Variants in TPTE2 observed in about 807,000 individuals in gnomAD.
TPTE2 encodes the protein phosphatidylinositol 3,4,5-trisphosphate 3-phosphatase TPTE2.
In TPTE2, 53 loss-of-function variants were observed where a neutral mutation model predicts 78.6. The observed-to-expected ratio is 0.67, with a 90% confidence interval of 0.54 to 0.85. The LOEUF (loss-of-function observed/expected upper bound fraction) is 0.85. Among genes scored for constraint, TPTE2 ranks in the 40% least tolerant of loss-of-function variants. TPTE2 has a pLI of 0.00. For synonymous variants in TPTE2, 175 were observed against 206.2 expected (o/e 0.85, Z 1.30); for missense variants, 461 against 623.0 (o/e 0.74, Z 2.77).
At chr13:19,550,387 C>A in the TPTE2 span, among the ~76,000 whole-genome samples, 1 of 152,204 alleles carries the variant, frequency 6.6e-6, no homozygotes, top group Non-Finnish European at 1.5e-5. Context: ...GCTTTCCTAG[C>A]ACCCTGTTTG....
Position 19,430,461 on chromosome 13 carries a change from C to G in TPTE2, c.1302+7G>C, listed in dbSNP as rs9508013. The G allele has an allele frequency of 6.9e-6, 11 of 1,605,228 alleles. No homozygotes were observed. The Admixed American group carries it at 1.2e-4, about 18-fold the overall frequency. On this transcript the variant is annotated splice_region_variant and intron_variant, in intron 17 of 19. Transcript: ENST00000400230. Reference sequence around the variant, plus strand: ...CAGATTTTTTCAATTCACATGTTTTCTCTTACCGAACAATTTCCTAATGAA... The same window carrying G: ...CAGATTTTTTCAATTCACATGTTTTGTCTTACCGAACAATTTCCTAATGAA...
At chr13:19,551,656 G>A in the TPTE2 span, among the ~76,000 whole-genome samples, 1 of 151,912 alleles carries the variant, frequency 6.6e-6, no homozygotes, top group African/African-American at 2.4e-5. Flanking sequence ...AGTCTCTAAA[G>A]TTTTCCTATA....
chr13:19,496,009 C>T (rs368303075), intron 1 of TPTE2, among the ~76,000 whole-genome samples: 11 of 152,284 alleles, frequency 7.2e-5, no homozygotes, highest in African/African-American at 2.6e-4. Flanking sequence ...GCAGGGACTA[C>T]AGGTGCCCGC....
chr13:19,506,238 C>A (rs1485598749), upstream of TPTE2, among the ~76,000 whole-genome samples: 1 of 111,008 alleles, frequency 9.0e-6, no homozygotes, highest in African/African-American at 3.4e-5. Flanking sequence ...GTGGCGGGAT[C>A]TCGGCTCACT....
At chr13:19,450,696 G>T (rs995239386) in intron 11 of TPTE2, among the ~76,000 whole-genome samples, 10 of 152,148 alleles carry the variant, frequency 6.6e-5, no homozygotes, top group Non-Finnish European at 1.5e-4. Context: ...GAGTATACAG[G>T]TAGAGGAAAA....
At position 19,449,999 on chromosome 13, in the gene TPTE2, T is replaced by C. The variant is rs1313904693; in HGVS notation, c.973+77A>G. The C allele has an allele frequency of 2.0e-6, 3 of 1,515,908 alleles. No homozygotes were observed. In the African/African-American group the frequency reaches 4.2e-5, roughly 21 times the overall value. 93.9% of individuals were successfully genotyped at this position (1,515,908 alleles called of 1,614,324 possible). ...AATTATTAATACATATTAATAGCAA[T>C]ACGTATCTTGTTCTTCTACTTTATC... On this transcript the variant is annotated intron_variant, in intron 13 of 19. Transcript: ENST00000400230.
Position 19,486,270 on chromosome 13 carries a change from G to A in TPTE2, c.120-3723C>T, listed in dbSNP as rs1880656437. Among the ~76,000 whole-genome samples the A allele has an allele frequency of 7.9e-6, 1 of 127,186 alleles. No individual in the cohort carries two copies. Among genetic ancestry groups the A allele is most frequent in the Admixed American group, 7.7e-5 (1 of 13,002 alleles). 83.4% of individuals were successfully genotyped at this position (127,186 alleles called of 152,430 possible). On this transcript the variant is annotated intron_variant, in intron 3 of 19. Transcript: ENST00000400230. This position sits in a 1 kb window ranked among gnomAD's most constrained non-coding sequence, Gnocchi z 4.3. Reference sequence around the variant, plus strand: ...GTGTAGTCTCCATGTAGTTTATTCAGCTGTGATCTACACTAGTAACATTTG... The same window carrying A: ...GTGTAGTCTCCATGTAGTTTATTCAACTGTGATCTACACTAGTAACATTTG...
chr13:19,444,471 CA>C (rs1005407162), intron 13 of TPTE2, among the ~76,000 whole-genome samples: 8 of 149,688 alleles, frequency 5.3e-5, no homozygotes, highest in African/African-American at 1.2e-4. Context: ...TAAATAGCCA[CA>C]AAAAAAATCT....
At chr13:19,489,005 T>A (rs1880822457) in intron 3 of TPTE2, among the ~76,000 whole-genome samples, 1 of 152,140 alleles carries the variant, frequency 6.6e-6, no homozygotes, top group Non-Finnish European at 1.5e-5. Context: ...TTAAATGGCC[T>A]ACTTTCAATA....
chr13:19,482,118 G>T (rs4769642), intron 4 of TPTE2, among the ~76,000 whole-genome samples: 1 of 151,910 alleles, frequency 6.6e-6, no homozygotes, highest in African/African-American at 2.4e-5. Flanking sequence ...TGCTCATAGG[G>T]AAAATCTACA....
intron 6 of TPTE2, among the ~76,000 whole-genome samples, chr13:19,469,321 T>C (rs1018666676): frequency 5.9e-5 from 9 of 152,150 alleles, no homozygotes; most frequent in African/African-American, 2.2e-4. Flanking sequence ...TTACTAAAAA[T>C]GAGTTCACTG....
Position 19,443,766 on chromosome 13 carries a change from A to C in TPTE2, c.974-5613T>G, listed in dbSNP as rs796538836. Reference sequence around the variant, plus strand: ...CACACACACACACACACACACACACACACACACACACACAGTCGTTAAGCA... The same window carrying C: ...CACACACACACACACACACACACACCCACACACACACACAGTCGTTAAGCA... On this transcript the variant is annotated intron_variant, in intron 13 of 19. Transcript: ENST00000400230. 4.5e-3 allele frequency among the ~76,000 whole-genome samples: 578 copies of C among 127,548 alleles called. 3 individuals carry two copies. Among genetic ancestry groups the C allele is most frequent in the African/African-American group, 0.018 (557 of 30,362 alleles). 83.7% of individuals were successfully genotyped at this position (127,548 alleles called of 152,430 possible).
At chr13:19,424,186 C>G (rs1566032165) in intron 19 of TPTE2, among the ~76,000 whole-genome samples, 2 of 152,220 alleles carry the variant, frequency 1.3e-5, no homozygotes, top group Non-Finnish European at 2.9e-5. Context: ...TTCTTCAACT[C>G]TGACCTAAAT....
intron 17 of TPTE2, among the ~76,000 whole-genome samples, chr13:19,426,789 C>T (rs1048119474): frequency 1.3e-5 from 2 of 152,074 alleles, no homozygotes; most frequent in Non-Finnish European, 2.9e-5. Flanking sequence ...ATGGCAACCT[C>T]TGCCTCCCAG....
At chr13:19,511,046 G>A (rs1425133641) in intron 1 of TPTE2, among the ~76,000 whole-genome samples, 1 of 152,202 alleles carries the variant, frequency 6.6e-6, no homozygotes, top group East Asian at 1.9e-4. Flanking sequence ...ACCATTGGGA[G>A]AGCAATAGGC....
intron 13 of TPTE2, among the ~76,000 whole-genome samples, chr13:19,440,911 A>T (rs1239803529): frequency 6.6e-6 from 1 of 151,992 alleles, no homozygotes; most frequent in Non-Finnish European, 1.5e-5. Context: ...ACTTGGTGAA[A>T]CCCTATCTCT....
intron 13 of TPTE2, among the ~76,000 whole-genome samples, chr13:19,443,462 G>T (rs1210006166): frequency 6.8e-6 from 1 of 146,724 alleles, no homozygotes; most frequent in Non-Finnish European, 1.5e-5. Flanking sequence ...CTGGAGAGCA[G>T]TGGTGTGATC....
chr13:19,465,169 T>A lies in TPTE2; in HGVS notation c.676+86A>T, dbSNP rs377121423. The stretch of plus-strand genomic sequence containing the variant: ...TCTCAAGAATAAAGAATATTTTGAA[T>A]GAATGTGTCTTAGATGAGGCAAAAA... On this transcript the variant is annotated intron_variant, in intron 9 of 19. Transcript: ENST00000400230. 4,746 of 1,502,566 alleles carry A rather than the reference T, an allele frequency of 3.2e-3. 149 individuals carry two copies. In the South Asian group the frequency reaches 0.045, roughly 14 times the overall value. 93.1% of individuals were successfully genotyped at this position (1,502,566 alleles called of 1,614,324 possible).
intron 10 of TPTE2, among the ~76,000 whole-genome samples, chr13:19,460,262 G>C (rs1878802946): frequency 1.3e-5 from 2 of 152,172 alleles, no homozygotes; most frequent in Non-Finnish European, 2.9e-5. Context: ...TGGTTTCCTG[G>C]GCAGGACTGC....
Sources: gnomAD v4.1 joint callset for allele counts (sites outside exome capture counted in the v4.1 genomes callset) on GRCh38, gnomAD v4.1.1 for gene constraint, Gnocchi (gnomAD v3.1) non-coding constraint, MANE v1.5 for transcripts, NCBI Gene and HGNC (gene_info 2026-07-23, HGNC 2026-07-21) for gene names.